The following JAK1 variants were observed in gnomAD, a reference collection of about 807,000 sequenced individuals.
The protein encoded by JAK1 is tyrosine-protein kinase JAK1.
JAK1 carries 16 observed loss-of-function variants against 136.6 expected under a neutral mutation model. The ratio of observed to expected loss-of-function variants is 0.12; its 90% CI spans 0.08 to 0.18. The LOEUF (loss-of-function observed/expected upper bound fraction) is 0.18. Ranked by LOEUF, JAK1 falls within the 10% of genes least tolerant of loss-of-function variation. JAK1 has a pLI of 1.00. For synonymous variants in JAK1, 492 were observed against 519.5 expected, an observed-to-expected ratio of 0.95 and a Z score of 0.72; for missense variants, 859 against 1,450.1, an observed-to-expected ratio of 0.59 and a Z score of 6.62.
At chr1:64,842,293 T>C (rs566079977) in intron 17 of JAK1, among the ~76,000 whole-genome samples, 57 of 152,374 alleles carry the variant, frequency 3.7e-4, no homozygotes, top group Non-Finnish European at 7.6e-4. Context: ...CTTTTTTTAA[T>C]AGTTTCATTT....
chr1:64,866,837 T>C (rs760442342), intron 7 of JAK1, 29 bp downstream of exon 7: 1 of 1,523,474 alleles, frequency 6.6e-7, no homozygotes. Context: ...GGGAATGTTC[T>C]CTTTGATCGA....
In JAK1 at chr1:64,851,066, C is replaced by A. The variant is rs1389673901; in HGVS notation, c.1649-156G>T. 2.0e-5 allele frequency among the ~76,000 whole-genome samples: 3 copies of A among 152,126 alleles called. No individual in the cohort carries two copies. In the East Asian group the frequency reaches 5.8e-4, roughly 29 times the overall value. The stretch of plus-strand genomic sequence containing the variant: ...TATTCAATAGGCATATGGCTCCTAC[C>A]CTCCAGGAGCTCAGAGGGTAACGAC... On this transcript the variant is annotated intron_variant, in intron 11 of 24. Coordinates refer to ENST00000342505, the MANE Select transcript of JAK1 (RefSeq NM_002227.4).
rs1487879373 is a variant in JAK1, at chr1:64,977,787, A to C, written c.-78+66693T>G. ...AATCTCTTACTTGCATTTGTTGAAC[A>C]CACTATCTGCCCAGCACTGTGCTAA... is the stretch of plus-strand genomic sequence containing the variant. On this transcript the variant is annotated intron_variant, in intron 2 of 25. Coordinates refer to the JAK1 transcript ENST00000671954. Among the ~76,000 whole-genome samples the C allele has an allele frequency of 2.0e-5, 3 of 152,138 alleles. No homozygotes were observed. In the East Asian group the frequency reaches 5.8e-4, roughly 29 times the overall value.
intron 6 of JAK1, among the ~76,000 whole-genome samples, chr1:64,868,309 A>G (rs1342587505): frequency 6.6e-6 from 1 of 152,018 alleles, no homozygotes; most frequent in African/African-American, 2.4e-5. Flanking sequence ...TCTGCTTGTT[A>G]CTCCCAGGAC....
At chr1:64,939,681 T>C (rs1645853603) in intron 1 of JAK1, among the ~76,000 whole-genome samples, 1 of 152,214 alleles carries the variant, frequency 6.6e-6, no homozygotes, top group African/African-American at 2.4e-5. Flanking sequence ...TAGTCATGCA[T>C]ATAATTCCTA....
rs541115819 is a variant in JAK1, at chr1:64,865,635, T to C, written c.991-663A>G. 1.6e-4 allele frequency among the ~76,000 whole-genome samples: 24 copies of C among 152,362 alleles called. No homozygotes were observed. The South Asian group carries it at 5.0e-3, about 32-fold the overall frequency. ...TAGCTTACATCTTCACAGGGTTCTC[T>C]GAGATTAGACAAGTGCTAACTAACA... is the stretch of plus-strand genomic sequence containing the variant. On this transcript the variant is annotated intron_variant, in intron 7 of 24. Transcript: ENST00000342505.
intron 9 of JAK1, among the ~76,000 whole-genome samples, chr1:64,858,572 A>T (rs958826396): frequency 2.7e-4 from 41 of 152,164 alleles, no homozygotes; most frequent in African/African-American, 9.2e-4. Context: ...TTAGGCAAGG[A>T]ATGTCAGCAT....
chr1:64,879,171 A>T (rs1021066790), intron 3 of JAK1, 23 bp from the exon 4 acceptor site: 1 of 1,612,912 alleles, frequency 6.2e-7, no homozygotes, highest in Non-Finnish European at 8.5e-7. Flanking sequence ...AAAAAAACAC[A>T]TCAGAAAATC....
At chr1:64,925,066 G>C (rs1390820551) in intron 1 of JAK1, among the ~76,000 whole-genome samples, 1 of 152,048 alleles carries the variant, frequency 6.6e-6, no homozygotes, top group Non-Finnish European at 1.5e-5. Context: ...TGGTTATGAG[G>C]GAGGTTATGC....
At chr1:65,026,166 C>T (rs1646976552) in intron 2 of JAK1, among the ~76,000 whole-genome samples, 2 of 152,178 alleles carry the variant, frequency 1.3e-5, no homozygotes, top group Non-Finnish European at 2.9e-5. Context: ...ACTACCTATC[C>T]AGCCAGTGTT....
upstream of JAK1, among the ~76,000 whole-genome samples, chr1:64,967,007 C>T (rs1049635590): frequency 2.6e-5 from 4 of 151,654 alleles, no homozygotes; most frequent in East Asian, 7.8e-4. Context: ...CAGCCCCCAG[C>T]TTGGACAAGC....
chr1:64,918,840 G>A (rs995345057), intron 1 of JAK1, among the ~76,000 whole-genome samples: 1 of 151,542 alleles, frequency 6.6e-6, no homozygotes, highest in African/African-American at 2.4e-5. Context: ...ACTGAAACTT[G>A]AAAAAAAATC....
In JAK1 at chr1:65,051,439, T is replaced by C. The variant is rs571904570; in HGVS notation, c.-180-6857A>G. ...TACTGCATACTAAGGTATCAGCAAA[T>C]GTAGCACTCCTCCTCAGTCTGATGT... On this transcript the variant is annotated intron_variant, in intron 1 of 25. Transcript: ENST00000671954. Among the ~76,000 whole-genome samples, 26 of 152,160 alleles carry C rather than the reference T, an allele frequency of 1.7e-4. No homozygotes were observed. In the South Asian group the frequency reaches 5.0e-3, roughly 29 times the overall value.
intron 14 of JAK1, among the ~76,000 whole-genome samples, chr1:64,846,352 C>T (rs992449706): frequency 1.3e-4 from 20 of 152,286 alleles, no homozygotes; most frequent in African/African-American, 4.6e-4. Flanking sequence ...TTGGGCCTGA[C>T]TCTTGTGGCC....
intron 2 of JAK1, among the ~76,000 whole-genome samples, chr1:65,031,269 T>C (rs1044054602): frequency 6.6e-6 from 1 of 152,038 alleles, no homozygotes. Flanking sequence ...AGCAGCATCA[T>C]GTACTTTCTC....
chr1:64,859,251 G>C (rs61784701), intron 9 of JAK1, among the ~76,000 whole-genome samples: 1 of 152,198 alleles, frequency 6.6e-6, no homozygotes, highest in Non-Finnish European at 1.5e-5. Flanking sequence ...ACAGCAGCTG[G>C]CTGTTTTCCT....
chr1:65,047,551 T>C (rs565241773), intron 1 of JAK1, among the ~76,000 whole-genome samples: 1 of 152,164 alleles, frequency 6.6e-6, no homozygotes, highest in South Asian at 2.1e-4. Context: ...ACCCCGTCTC[T>C]ACTAAAAATA....
chr1:64,945,731 CT>C (rs35421858), intron 1 of JAK1, among the ~76,000 whole-genome samples: 5 of 148,078 alleles, frequency 3.4e-5, no homozygotes, highest in African/African-American at 5.0e-5. Flanking sequence ...GGTTTGCTTT[CT>C]TTTTTTTTTT....
rs1249723035 is a variant in JAK1, at chr1:64,966,530, C to G, written c.-275G>C. The G allele has an allele frequency of 6.7e-6, 1 of 150,030 alleles. No individual in the cohort carries two copies. The highest frequency in any genetic ancestry group is 1.5e-5 in the Non-Finnish European group (1 of 67,260). 9.3% of individuals were successfully genotyped at this position (150,030 alleles called of 1,614,324 possible). On this transcript the variant is annotated 5_prime_UTR_variant, in exon 1 of 25. Coordinates refer to ENST00000342505, the MANE Select transcript of JAK1 (RefSeq NM_002227.4). ...GCTCCAGGATACTCCGCGGCCGCCG[C>G]GGCCTGCGCTCAGCGACGCACCGCC...
Sources: allele counts gnomAD v4.1 joint callset (sites outside exome capture counted in the v4.1 genomes callset), GRCh38; gene constraint gnomAD v4.1.1; transcripts MANE v1.5; gene names NCBI Gene and HGNC (gene_info 2026-07-23, HGNC 2026-07-21).